The following TRPM7 variants were observed in gnomAD, a reference collection of about 807,000 sequenced individuals.
TRPM7 encodes LTRPC ion channel family member 7.
A neutral mutation model predicts 229.7 loss-of-function variants in TRPM7; 134 were observed. The ratio of observed to expected loss-of-function variants is 0.58; its 90% CI spans 0.51 to 0.67. TRPM7 has a LOEUF of 0.67. TRPM7 is among the 30% of genes least tolerant of loss of function. The pLI, the probability that TRPM7 is intolerant of heterozygous loss-of-function variation, is 0.00. For synonymous variants in TRPM7, 699 were observed against 715.2 expected (o/e 0.98, Z 0.36); for missense variants, 1,901 against 2,210.0 (o/e 0.86, Z 2.80).
intron 13 of TRPM7, among the ~76,000 whole-genome samples, chr15:50,618,551 C>G (rs1396902355): frequency 2.6e-5 from 4 of 150,988 alleles, no homozygotes; most frequent in African/African-American, 9.8e-5. Context: ...GCCTGGGCGA[C>G]AGAGCAAGAT....
chr15:50,573,809 C>T (rs1027546787), intron 36 of TRPM7, among the ~76,000 whole-genome samples: 2 of 152,196 alleles, frequency 1.3e-5, no homozygotes, highest in East Asian at 3.9e-4. Context: ...TCCTGTAATC[C>T]CAGCACTTTG....
rs746983001 is a variant in TRPM7 at position 50,599,315 on chromosome 15, T to C, written c.2989-19A>G. ...TGGCCACCTGTTAAAAAATGAACACTGTTAAAATACAAGGAAGTTTAAACA... is the reference window on the plus strand; with the variant it reads ...TGGCCACCTGTTAAAAAATGAACACCGTTAAAATACAAGGAAGTTTAAACA... On this transcript the variant is annotated intron_variant, in intron 21 of 38. Transcript: ENST00000646667. 33 of 1,572,414 alleles carry C rather than the reference T, an allele frequency of 2.1e-5. No individual in the cohort carries two copies. The highest frequency in any genetic ancestry group is 2.6e-5 in the Non-Finnish European group (30 of 1,154,166).
At chr15:50,661,684 A>G (rs1457175097) in intron 2 of TRPM7, among the ~76,000 whole-genome samples, 2 of 152,230 alleles carry the variant, frequency 1.3e-5, no homozygotes, top group African/African-American at 4.8e-5. Context: ...CTGTCTATTT[A>G]GCTATGTTTT....
chr15:50,617,209 C>T (rs1026262357), intron 13 of TRPM7, among the ~76,000 whole-genome samples: 4 of 151,500 alleles, frequency 2.6e-5, no homozygotes, highest in East Asian at 1.9e-4. Context: ...TGGTGGTGTG[C>T]GCCTGTAGTC....
intron 12 of TRPM7, among the ~76,000 whole-genome samples, chr15:50,621,663 A>G (rs936998776): frequency 6.6e-6 from 1 of 152,204 alleles, no homozygotes; most frequent in Non-Finnish European, 1.5e-5. Flanking sequence ...AGCTGCTTTT[A>G]TAAGGCTAGA....
chr15:50,675,369 C>A (rs2062071094), intron 1 of TRPM7, among the ~76,000 whole-genome samples: 4 of 151,692 alleles, frequency 2.6e-5, no homozygotes, highest in Admixed American at 2.6e-4. Flanking sequence ...AAATCTCCTA[C>A]AGCCTTCCCT....
chr15:50,562,311 T>C (rs12904263), intron 38 of TRPM7, among the ~76,000 whole-genome samples: 11,437 of 152,228 alleles, frequency 0.075, 556 homozygotes, highest in South Asian at 0.12. Flanking sequence ...AGTCATTCAT[T>C]CATTCAACAA....
intron 1 of TRPM7, among the ~76,000 whole-genome samples, chr15:50,684,095 G>A (rs1043316580): frequency 4.6e-5 from 7 of 151,708 alleles, no homozygotes; most frequent in East Asian, 3.9e-4. Flanking sequence ...CAAGTGATCC[G>A]GGATCAGCCT....
intron 13 of TRPM7, among the ~76,000 whole-genome samples, chr15:50,619,345 C>T (rs1029641280): frequency 4.6e-5 from 7 of 151,856 alleles, no homozygotes; most frequent in African/African-American, 2.4e-5. Flanking sequence ...CTCAGCCTCC[C>T]GAGTAGCTGG....
chr15:50,577,322 G>T (rs1350539890), intron 31 of TRPM7, among the ~76,000 whole-genome samples: 1 of 152,044 alleles, frequency 6.6e-6, no homozygotes, highest in Admixed American at 6.6e-5. Context: ...GGTGGAGGTG[G>T]GCAGATCATG....
intron 5 of TRPM7, among the ~76,000 whole-genome samples, chr15:50,639,829 T>G (rs1447389254): frequency 1.3e-5 from 2 of 151,784 alleles, no homozygotes; most frequent in Admixed American, 1.3e-4. Flanking sequence ...GTCATTACTG[T>G]GTTCAGAACA....
At chr15:50,599,924 T>C (rs966656932) in intron 21 of TRPM7, among the ~76,000 whole-genome samples, 8 of 152,198 alleles carry the variant, frequency 5.3e-5, no homozygotes, top group Non-Finnish European at 8.8e-5. Flanking sequence ...ATTCTTTAAT[T>C]TCAATAAAAT....
intron 9 of TRPM7, among the ~76,000 whole-genome samples, chr15:50,632,287 T>C (rs1357448143): frequency 7.8e-6 from 1 of 127,444 alleles, no homozygotes; most frequent in Non-Finnish European, 1.8e-5. Context: ...AGCGAGACTC[T>C]GTCTCCAAAA....
chr15:50,583,926 C>T (rs1055782808), intron 28 of TRPM7, among the ~76,000 whole-genome samples: 2 of 152,164 alleles, frequency 1.3e-5, no homozygotes, highest in Admixed American at 1.3e-4. Context: ...TCTTTCGATG[C>T]TCTCTTTATT....
At chr15:50,671,978 C>CT (rs1567120528) in intron 1 of TRPM7, among the ~76,000 whole-genome samples, 2 of 113,028 alleles carry the variant, frequency 1.8e-5, no homozygotes, top group African/African-American at 3.3e-5. Flanking sequence ...TAATAAATGA[C>CT]TATGTTACTG....
At chr15:50,625,903 TG>T (rs2140597222) in intron 11 of TRPM7, among the ~76,000 whole-genome samples, 2 of 151,862 alleles carry the variant, frequency 1.3e-5, no homozygotes, top group South Asian at 4.2e-4. Flanking sequence ...TAGTTTATCA[TG>T]GCATCGTACT....
At position 50,561,723 on chromosome 15, in the gene TRPM7, G is replaced by C. The variant is rs1279699962; in HGVS notation, c.5553C>G (p.Ser1851=). The C allele has an allele frequency of 6.2e-7, 1 of 1,611,894 alleles. No homozygotes were observed. Among genetic ancestry groups the C allele is most frequent in the Non-Finnish European group, 8.5e-7 (1 of 1,179,324 alleles). The change falls in exon 39 of 39, where the codon TCC becomes TCG. Residue 1851 remains serine, a synonymous_variant. Transcript: ENST00000646667. ...PSDLNLQPGN[S]TKESESTNSV... is the part of the protein sequence containing the mutation. ...AATTAGTTGATTCTGATTCTTTGGT[G>C]GAATTTCCAGGCTGAAGATTCAAAT...
chr15:50,583,133 T>C lies in TRPM7; in HGVS notation c.4513A>G (p.Thr1505Ala). ...GAATCTACTTCATGAGTGTCTTCGGTAGATGGCCTTCTACTGATTTTTTCT... is the reference window on the plus strand; with the variant it reads ...GAATCTACTTCATGAGTGTCTTCGGCAGATGGCCTTCTACTGATTTTTTCT... ...QAEKISRRPS[T>A]EDTHEVDSKA... The change falls in exon 29 of 39, where the codon ACC becomes GCC. Residue 1505 changes from threonine to alanine, a missense_variant. By Grantham distance (58) the Thr-to-Ala change is moderately conservative (BLOSUM62 0). Around this residue, in one of 8 missense-constraint regions of TRPM7, gnomAD observed 533 missense variants for 497.1 expected, o/e 1.07. Transcript: ENST00000646667. The C allele has an allele frequency of 1.9e-6, 3 of 1,607,282 alleles. No individual in the cohort carries two copies. Among genetic ancestry groups the C allele is most frequent in the African/African-American group, 1.3e-5 (1 of 74,298 alleles).
chr15:50,566,170 C>T (rs1352974217), intron 38 of TRPM7, among the ~76,000 whole-genome samples: 1 of 151,774 alleles, frequency 6.6e-6, no homozygotes, highest in Non-Finnish European at 1.5e-5. Context: ...TGAAATAGTA[C>T]AAAGTATGTT....
Sources: gnomAD v4.1 joint callset for allele counts (sites outside exome capture counted in the v4.1 genomes callset) on GRCh38, gnomAD v4.1.1 for gene constraint, gnomAD v4.1.1 regional missense constraint, MANE v1.5 for transcripts, NCBI Gene and HGNC (gene_info 2026-07-23, HGNC 2026-07-21) for gene names.